The following MTMR9 variants were observed in gnomAD, a reference collection of about 807,000 sequenced individuals.
The protein encoded by MTMR9 is myotubularin-related protein 9.
A neutral mutation model predicts 69.5 loss-of-function variants in MTMR9; 39 were observed. The observed-to-expected ratio is 0.56, with a 90% CI of 0.43 to 0.73. The LOEUF (loss-of-function observed/expected upper bound fraction) is 0.73. Ranked by LOEUF, MTMR9 falls within the 30% of genes least tolerant of loss-of-function variation. The probability of loss-of-function intolerance (pLI) is 0.00; values close to 1 mark genes in which losing one functional copy is unlikely to be tolerated. For missense variants in MTMR9, 900 were observed against 671.2 expected (o/e 1.34, Z -3.77); for synonymous variants, 354 against 240.8 (o/e 1.47, Z -4.35).
chr8:11,309,864 A>C (rs1192778188), intron 6 of MTMR9, among the ~76,000 whole-genome samples, 176 bp downstream of exon 6: 4 of 152,178 alleles, frequency 2.6e-5, no homozygotes, highest in African/African-American at 7.2e-5. Context: ...TTTAATAGAT[A>C]ATGTTTGTTT....
At chr8:11,329,706 C>G (rs1223555247), downstream of MTMR9, among the ~76,000 whole-genome samples, 1 of 152,248 alleles carries the variant, frequency 6.6e-6, no homozygotes, top group African/African-American at 2.4e-5. Context: ...TCCCAAAGTG[C>G]TGAGATTGCA....
chr8:11,307,744 CAG>C (rs900318344), intron 5 of MTMR9, among the ~76,000 whole-genome samples: 24 of 152,160 alleles, frequency 1.6e-4, no homozygotes, highest in African/African-American at 4.8e-4. Context: ...GCCATTCTAA[CAG>C]GGGTGAGGTG....
At chr8:11,294,801 A>G (rs1324928352) in intron 1 of MTMR9, 1 of 153,350 alleles carries the variant, frequency 6.5e-6, no homozygotes, top group African/African-American at 2.4e-5. Flanking sequence ...TTTGCTTTTT[A>G]TAAATTGATA....
the MTMR9 span, among the ~76,000 whole-genome samples, chr8:11,337,451 G>C: frequency 6.6e-6 from 1 of 152,156 alleles, no homozygotes; most frequent in East Asian, 1.9e-4. Flanking sequence ...CTGAATTTTT[G>C]TGGGGTTTTT....
downstream of MTMR9, among the ~76,000 whole-genome samples, chr8:11,329,738 C>T (rs1177161005): frequency 2.6e-5 from 4 of 152,240 alleles, no homozygotes; most frequent in South Asian, 2.1e-4. Flanking sequence ...GCCGCCACCC[C>T]GTCTGGGAAG....
At chr8:11,308,622 A>C (rs1008814992) in intron 5 of MTMR9, among the ~76,000 whole-genome samples, 1 of 152,098 alleles carries the variant, frequency 6.6e-6, no homozygotes, top group Non-Finnish European at 1.5e-5. Flanking sequence ...TTATCCAGTC[A>C]ATTTGTTAAT....
At chr8:11,293,962 AATT>A (rs1799458742) in intron 1 of MTMR9, among the ~76,000 whole-genome samples, 1 of 152,126 alleles carries the variant, frequency 6.6e-6, no homozygotes. Flanking sequence ...TAAGCCTTGA[AATT>A]GTGTAGTGTT....
intron 1 of MTMR9, among the ~76,000 whole-genome samples, chr8:11,293,089 G>C (rs73537137): frequency 6.6e-6 from 1 of 152,154 alleles, no homozygotes; most frequent in Non-Finnish European, 1.5e-5. Flanking sequence ...GGAAATGACA[G>C]GTTCATGTAT....
At chr8:11,315,435 A>C (rs999939550) in intron 7 of MTMR9, among the ~76,000 whole-genome samples, 3 of 152,184 alleles carry the variant, frequency 2.0e-5, no homozygotes, top group Non-Finnish European at 4.4e-5. Flanking sequence ...AACCCTTTCA[A>C]AGCCTTTTGC....
chr8:11,286,119 A>C (rs1438512961), intron 1 of MTMR9, among the ~76,000 whole-genome samples: 1 of 151,408 alleles, frequency 6.6e-6, no homozygotes, highest in Non-Finnish European at 1.5e-5. Flanking sequence ...CACCCGGCTA[A>C]TTTTTGTATT....
chr8:11,321,593 A>T (rs778841150), intron 9 of MTMR9: 8 of 431,774 alleles, frequency 1.9e-5, no homozygotes, highest in African/African-American at 1.4e-4. Flanking sequence ...ATGCTCCTCA[A>T]CCTAGAGCTG....
intron 2 of MTMR9, chr8:11,298,049 C>A: frequency 2.5e-6 from 1 of 401,282 alleles, no homozygotes; most frequent in South Asian, 1.8e-5. Context: ...CACGTAGAAT[C>A]CCATTGGAAG....
rs1166640852 is a variant in MTMR9, at chr8:11,323,870, A to C, written c.*1082A>C. On this transcript the variant is annotated 3_prime_UTR_variant, in exon 10 of 10. Transcript: ENST00000221086. ...CAAATATAACTTAAGTGGAGGGGGA[A>C]GTTTATGAATATAATATAGCTCTGT... is the stretch of plus-strand genomic sequence containing the variant. The C allele has an allele frequency of 1.3e-5, 2 of 152,184 alleles. No individual in the cohort carries two copies. The highest frequency in any genetic ancestry group is 6.5e-5 in the Admixed American group (1 of 15,278). 9.4% of individuals were successfully genotyped at this position (152,184 alleles called of 1,614,324 possible).
chr8:11,308,370 T>G (rs1800052433), intron 5 of MTMR9, among the ~76,000 whole-genome samples: 1 of 152,196 alleles, frequency 6.6e-6, no homozygotes, highest in African/African-American at 2.4e-5. Flanking sequence ...ATTTCTGGGT[T>G]TTATTCTGTT....
the MTMR9 span, among the ~76,000 whole-genome samples, chr8:11,338,344 G>A: frequency 1.3e-5 from 2 of 152,216 alleles, no homozygotes; most frequent in African/African-American, 4.8e-5. Flanking sequence ...AATAAGAAAT[G>A]TGCTAGTGAG....
In MTMR9 at chr8:11,309,596, C is replaced by T. The variant is rs149393678; in HGVS notation, c.879C>T (p.Asp293=). Residue 293 remains aspartate (D), a synonymous_variant, in exon 6 of 10, where the codon GAC becomes GAT. Coordinates refer to ENST00000221086, the MANE Select transcript of MTMR9 (RefSeq NM_015458.4). ...GTAATGACCAAACACATAACATGGA[C>T]CGATGGCTCAGTAAATTGGAGGCCT... ...EACNDQTHNM[D]RWLSKLEASN... 6.2e-7 allele frequency: 1 copy of T among 1,613,902 alleles called. No homozygotes were observed. Among genetic ancestry groups the T allele is most frequent in the South Asian group, 1.1e-5 (1 of 91,076 alleles).
chr8:11,335,306 ATCATTTACAT>A, the MTMR9 span, among the ~76,000 whole-genome samples: 1 of 152,152 alleles, frequency 6.6e-6, no homozygotes. Context: ...ATTTAAAAAT[ATCATTTACAT>A]TAGCAGCTCC....
intron 1 of MTMR9, among the ~76,000 whole-genome samples, chr8:11,289,799 C>T (rs1799316605): frequency 2.0e-5 from 3 of 152,194 alleles, no homozygotes. Flanking sequence ...AAGATCTCTT[C>T]ATATTGCTGT....
intron 1 of MTMR9, among the ~76,000 whole-genome samples, chr8:11,288,033 T>C (rs1261387301): frequency 1.6e-5 from 2 of 125,048 alleles, no homozygotes; most frequent in Non-Finnish European, 3.2e-5. Flanking sequence ...TGATATATAA[T>C]ATATATTATA....
Sources: allele counts gnomAD v4.1 joint callset (sites outside exome capture counted in the v4.1 genomes callset), GRCh38; gene constraint gnomAD v4.1.1; transcripts MANE v1.5; gene names NCBI Gene and HGNC (gene_info 2026-07-23, HGNC 2026-07-21).